XPO6: variants seen among roughly 807,000 people sequenced by gnomAD.
The protein encoded by XPO6 is exportin-6.
XPO6 carries 3 observed loss-of-function variants against 130.0 expected under a neutral mutation model. The ratio of observed to expected loss-of-function variants is 0.02; its 90% CI spans 0.01 to 0.06. The LOEUF (loss-of-function observed/expected upper bound fraction) is 0.06. Among genes scored for constraint, XPO6 ranks in the 10% least tolerant of loss-of-function variants. The probability of loss-of-function intolerance (pLI) is 1.00; values close to 1 mark genes in which losing one functional copy is unlikely to be tolerated. For synonymous variants in XPO6, 524 were observed against 548.9 expected, an observed-to-expected ratio of 0.95 and a Z score of 0.63; for missense variants, 970 against 1,393.0, an observed-to-expected ratio of 0.70 and a Z score of 4.83.
chr16:28,162,985 T>C (rs1046603585), intron 6 of XPO6, among the ~76,000 whole-genome samples: 2 of 152,246 alleles, frequency 1.3e-5, no homozygotes, highest in African/African-American at 4.8e-5. Flanking sequence ...GATCATTCTT[T>C]GGTCTGCTGT....
intron 4 of XPO6, among the ~76,000 whole-genome samples, chr16:28,170,281 G>A (rs907661192): frequency 6.8e-6 from 1 of 147,562 alleles, no homozygotes; most frequent in African/African-American, 2.6e-5. Context: ...GTGGTGAGCC[G>A]AGATCGTGCC....
At chr16:28,129,033 T>TG (rs1233290755) in intron 12 of XPO6, among the ~76,000 whole-genome samples, 1 of 152,240 alleles carries the variant, frequency 6.6e-6, no homozygotes, top group Non-Finnish European at 1.5e-5. Flanking sequence ...GAAAACAGCT[T>TG]GGAAGTGCTG....
chr16:28,156,016 T>C, intron 7 of XPO6, 58 bp downstream of exon 7: 1 of 1,541,968 alleles, frequency 6.5e-7, no homozygotes, highest in Non-Finnish European at 8.7e-7. Context: ...CAGCACAGCA[T>C]GGTAAACAGT....
At position 28,145,024 on chromosome 16, in the gene XPO6, G is replaced by C. The variant is rs1596871309; in HGVS notation, c.1334+1070C>G. Among the ~76,000 whole-genome samples, 6 of 152,242 alleles carry C rather than the reference G, an allele frequency of 3.9e-5. No individual in the cohort carries two copies. In the South Asian group the frequency reaches 1.2e-3, roughly 32 times the overall value. On this transcript the variant is annotated intron_variant, in intron 9 of 23. Transcript: ENST00000304658. ...CTTATAAATACTGTGCAAAGAAGTA[G>C]GAGCTATAACCAAACTGAGTAAAAT...
chr16:28,198,650 A>C (rs1380133655), intron 1 of XPO6, among the ~76,000 whole-genome samples: 1 of 151,978 alleles, frequency 6.6e-6, no homozygotes, highest in Non-Finnish European at 1.5e-5. Context: ...TACAAGAAAA[A>C]AAATAATAAT....
intron 20 of XPO6, among the ~76,000 whole-genome samples, chr16:28,105,419 A>T (rs77234444): frequency 0.016 from 2,415 of 152,324 alleles, 36 homozygotes; most frequent in African/African-American, 0.047. Flanking sequence ...GCCTTGATTA[A>T]AATTAAATAG....
intron 9 of XPO6, among the ~76,000 whole-genome samples, chr16:28,136,370 C>T (rs940812518): frequency 2.0e-5 from 3 of 152,136 alleles, no homozygotes; most frequent in African/African-American, 4.8e-5. Context: ...CAGGCATGAC[C>T]CACTAGGTCT....
intron 14 of XPO6, among the ~76,000 whole-genome samples, chr16:28,119,523 A>T (rs2087171362): frequency 6.6e-6 from 1 of 152,174 alleles, no homozygotes; most frequent in Admixed American, 6.5e-5. Flanking sequence ...TAAGATCTGG[A>T]TCTGCAAAAG....
At chr16:28,151,677 C>T (rs566750043) in intron 8 of XPO6, among the ~76,000 whole-genome samples, 1 of 152,272 alleles carries the variant, frequency 6.6e-6, no homozygotes, top group East Asian at 1.9e-4. Context: ...CATCTAACTA[C>T]ACCTAAGATT....
chr16:28,150,915 C>T (rs894216181), intron 8 of XPO6, among the ~76,000 whole-genome samples: 3 of 152,094 alleles, frequency 2.0e-5, no homozygotes. Flanking sequence ...AGGACTATGA[C>T]CTCGGCACGG....
At chr16:28,184,198 C>T (rs1248872866) in intron 1 of XPO6, among the ~76,000 whole-genome samples, 1 of 152,202 alleles carries the variant, frequency 6.6e-6, no homozygotes, top group African/African-American at 2.4e-5. Flanking sequence ...CTTCCATTCC[C>T]AAAGGCTATT....
intron 17 of XPO6, among the ~76,000 whole-genome samples, chr16:28,108,459 C>G (rs2086834946): frequency 6.6e-6 from 1 of 152,196 alleles, no homozygotes; most frequent in African/African-American, 2.4e-5. Flanking sequence ...GACAACCCCA[C>G]TCTGGCAGTG....
At chr16:28,184,559 G>A (rs2043665057) in intron 1 of XPO6, among the ~76,000 whole-genome samples, 2 of 150,710 alleles carry the variant, frequency 1.3e-5, no homozygotes, top group African/African-American at 4.9e-5. Context: ...ATGGAAACAG[G>A]GAACTCATAT....
chr16:28,185,398 C>T (rs943179213), intron 1 of XPO6, among the ~76,000 whole-genome samples: 4 of 151,992 alleles, frequency 2.6e-5, no homozygotes, highest in Admixed American at 2.6e-4. Context: ...ATAAGTAAAA[C>T]TTATCTATGG....
intron 23 of XPO6, among the ~76,000 whole-genome samples, chr16:28,099,451 C>T (rs2086607204): frequency 2.6e-5 from 4 of 152,196 alleles, no homozygotes; most frequent in African/African-American, 7.2e-5. Context: ...ACAGATGCCT[C>T]CTATTTCCTG....
chr16:28,173,260 T>C (rs750603569), intron 4 of XPO6: 4 of 152,208 alleles, frequency 2.6e-5, no homozygotes, highest in Non-Finnish European at 4.4e-5. Context: ...ATGTCAGCAA[T>C]TGGGCACTGA....
intron 16 of XPO6, 128 bp downstream of exon 16, chr16:28,112,775 GA>G (rs1370074527): frequency 3.2e-6 from 4 of 1,231,106 alleles, no homozygotes; most frequent in Non-Finnish European, 4.4e-6. Flanking sequence ...CACACAATAA[GA>G]AATCTGTCTA....
chr16:28,166,362 T>C (rs1390505803), intron 6 of XPO6, 146 bp downstream of exon 6: 5 of 714,268 alleles, frequency 7.0e-6, no homozygotes, highest in Non-Finnish European at 1.2e-5. Context: ...TCTCACTATG[T>C]TGCCCAGGCT....
chr16:28,130,566 TGA>T (rs757925180), intron 12 of XPO6, among the ~76,000 whole-genome samples: 5 of 152,222 alleles, frequency 3.3e-5, no homozygotes, highest in Admixed American at 6.5e-5. Context: ...TTGTCATGGA[TGA>T]GAGAGCTCGT....
Sources: allele counts gnomAD v4.1 joint callset (sites outside exome capture counted in the v4.1 genomes callset), GRCh38; gene constraint gnomAD v4.1.1; transcripts MANE v1.5; gene names NCBI Gene and HGNC (gene_info 2026-07-23, HGNC 2026-07-21).